Variants in DUOX2 observed in about 807,000 individuals in gnomAD.
DUOX2 encodes dual oxidase 2.
A neutral mutation model predicts 183.3 loss-of-function variants in DUOX2; 185 were observed. That is an observed-to-expected ratio of 1.01 (90% CI 0.90 to 1.14). The LOEUF (loss-of-function observed/expected upper bound fraction) is 1.14, where lower values mean the gene tolerates loss of function less well. Ranked by LOEUF, DUOX2 falls within the 50% of genes most tolerant of loss-of-function variation. The pLI, the probability that DUOX2 is intolerant of heterozygous loss-of-function variation, is 0.00. For synonymous variants in DUOX2, 788 were observed against 812.4 expected, an observed-to-expected ratio of 0.97 and a Z score of 0.51; for missense variants, 1,999 against 2,022.9, an observed-to-expected ratio of 0.99 and a Z score of 0.23.
intron 2 of DUOX2, 25 bp downstream of exon 2, chr15:45,113,317 G>C (rs1401853191): frequency 1.3e-6 from 2 of 1,553,586 alleles, no homozygotes; most frequent in Admixed American, 3.9e-5. Flanking sequence ...GGAACACCCC[G>C]CCGCTAGAGG....
intron 11 of DUOX2, 111 bp downstream of exon 11, chr15:45,109,413 T>C: frequency 1.1e-6 from 1 of 891,884 alleles, no homozygotes; most frequent in Non-Finnish European, 1.9e-6. Context: ...AGTCTGTGTT[T>C]GTATCTGTGT....
intron 18 of DUOX2, 71 bp downstream of exon 18, chr15:45,105,572 C>T (rs540863892): frequency 1.3e-5 from 21 of 1,581,168 alleles, no homozygotes; most frequent in Admixed American, 1.7e-5. Flanking sequence ...CCCACAGGGG[C>T]GTTCTATGCA....
intron 2 of DUOX2, 120 bp from the exon 3 acceptor site, chr15:45,113,196 G>A: frequency 1.4e-6 from 2 of 1,436,256 alleles, no homozygotes; most frequent in Non-Finnish European, 1.9e-6. Flanking sequence ...CCCAAGTGTC[G>A]GGCCGCACTG....
chr15:45,095,877 C>T lies in DUOX2; in HGVS notation c.4031G>A (p.Arg1344Lys), dbSNP rs1342825126. 6 of 1,612,332 alleles carry T rather than the reference C, an allele frequency of 3.7e-6. No homozygotes were observed. The highest frequency in any genetic ancestry group is 5.1e-6 in the Non-Finnish European group (6 of 1,179,356). ...GCCCTTTGGGGATGAGTAGATCTCC[C>T]TGAGGCGAGTGGTCCAGGGCCCCAC... is the stretch of plus-strand genomic sequence containing the variant. The part of the protein sequence containing the change: ...RAVGPWTTRL[R>K]EIYSSPKGNG... Residue 1344 changes from arginine to lysine, a missense_variant, in exon 30 of 34, where the codon AGG becomes AAG. By Grantham distance (26) the Arg-to-Lys change is conservative (BLOSUM62 2). Coordinates refer to ENST00000389039, the MANE Select transcript of DUOX2 (RefSeq NM_001363711.2).
At chr15:45,112,518 C>T (rs1200887935) in intron 4 of DUOX2, 36 bp downstream of exon 4, 9 of 1,606,078 alleles carry the variant, frequency 5.6e-6, no homozygotes, top group Non-Finnish European at 6.0e-6. Flanking sequence ...AGCAGAGCGC[C>T]AGATCAACCC....
intron 32 of DUOX2, 29 bp downstream of exon 32, chr15:45,094,907 G>T: frequency 2.5e-6 from 4 of 1,612,872 alleles, no homozygotes; most frequent in Non-Finnish European, 3.4e-6. Context: ...TGCCCGCCAA[G>T]TTGCCCTGCC....
chr15:45,108,760 C>G (rs779262960), intron 12 of DUOX2, 29 bp downstream of exon 12: 7 of 1,612,394 alleles, frequency 4.3e-6, no homozygotes, highest in Non-Finnish European at 5.9e-6. Flanking sequence ...AAAGCTTTAG[C>G]TGCCATTATT....
chr15:45,107,562 G>A, intron 13 of DUOX2, 99 bp from the exon 14 acceptor site: 1 of 1,301,806 alleles, frequency 7.7e-7, no homozygotes, highest in Non-Finnish European at 1.1e-6. Flanking sequence ...GACCCAGAGG[G>A]GCTGGGTGCA....
chr15:45,096,988 C>A (rs868800996), intron 29 of DUOX2, among the ~76,000 whole-genome samples: 2 of 152,188 alleles, frequency 1.3e-5, no homozygotes, highest in Non-Finnish European at 2.9e-5. Context: ...CCTCTGTATG[C>A]ACGTTCAGCC....
chr15:45,111,422 T>C lies in DUOX2; in HGVS notation c.677A>G (p.Asp226Gly). Residue 226 changes from aspartate to glycine, a missense_variant, in exon 6 of 34, where the codon GAC becomes GGC. Coordinates refer to ENST00000389039, the MANE Select transcript of DUOX2 (RefSeq NM_001363711.2). Reference protein sequence around the residue: ...QNPLLMWAAPDPATGQNGPRG... With the variant: ...QNPLLMWAAPGPATGQNGPRG... ...GGGCCCGTTCTGCCCGGTGGCGGGG[T>C]CGGGCGCCGCCCACATGAGCAGGGG... The C allele has an allele frequency of 1.3e-6, 2 of 1,501,574 alleles. No homozygotes were observed. Among genetic ancestry groups the C allele is most frequent in the Non-Finnish European group, 1.8e-6 (2 of 1,126,812 alleles). 93.0% of individuals were successfully genotyped at this position (1,501,574 alleles called of 1,614,324 possible). A position where few individuals can be genotyped will look rare whatever the true frequency, so the allele number is the denominator to read the frequency against.
At chr15:45,095,391 T>G (rs201835313) in intron 31 of DUOX2, 46 bp downstream of exon 31, 65 of 1,612,880 alleles carry the variant, frequency 4.0e-5, no homozygotes, top group Non-Finnish European at 5.5e-5. Flanking sequence ...CGGGTCACAA[T>G]TCGGCCACCT....
chr15:45,096,189 C>T (rs369132913), intron 29 of DUOX2, 129 bp from the exon 30 acceptor site: 37 of 774,112 alleles, frequency 4.8e-5, no homozygotes, highest in East Asian at 2.1e-4. Context: ...GCAAGCGGGG[C>T]TCCTGGGGCT....
intron 29 of DUOX2, 86 bp downstream of exon 29, chr15:45,097,152 G>A (rs1383022395): frequency 3.1e-6 from 5 of 1,589,490 alleles, no homozygotes; most frequent in Non-Finnish European, 3.4e-6. Context: ...GGCAGTGATG[G>A]GGTCAGGAGA....
intron 19 of DUOX2, 25 bp downstream of exon 19, chr15:45,104,115 A>G (rs1250575053): frequency 6.2e-7 from 1 of 1,613,980 alleles, no homozygotes; most frequent in African/African-American, 1.3e-5. Context: ...ATTCTTGGAT[A>G]GCCTGCCACC....
At chr15:45,113,176 C>G (rs571708165) in intron 2 of DUOX2, 100 bp from the exon 3 acceptor site, 71 of 1,467,146 alleles carry the variant, frequency 4.8e-5, no homozygotes, top group Non-Finnish European at 6.3e-5. Context: ...GCGGAGCGCC[C>G]CTAACCGGAC....
At chr15:45,110,337 T>C in intron 9 of DUOX2, 91 bp downstream of exon 9, 1 of 1,271,008 alleles carries the variant, frequency 7.9e-7, no homozygotes, top group Non-Finnish European at 1.1e-6. Context: ...CTAGTGAAAC[T>C]GCGAAGGAGT....
chr15:45,108,087 G>T lies in DUOX2; in HGVS notation c.1534C>A (p.Arg512=), dbSNP rs750288898. Residue 512 remains arginine (R), a synonymous_variant, in exon 13 of 34, where the codon CGG becomes AGG. Transcript: ENST00000389039. ...TCAAACCAGTAGCGGTCACCATCCCGCAGCCGTACAAACTGGTCGAGGACA... is the reference window on the plus strand; with the variant it reads ...TCAAACCAGTAGCGGTCACCATCCCTCAGCCGTACAAACTGGTCGAGGACA... ...AIVLDQFVRL[R]DGDRYWFENT... is the part of the protein sequence containing the mutation. 1 of 1,614,034 alleles carries T rather than the reference G, an allele frequency of 6.2e-7. No individual in the cohort carries two copies. Among genetic ancestry groups the T allele is most frequent in the Non-Finnish European group, 8.5e-7 (1 of 1,179,996 alleles).
chr15:45,096,115 G>A, intron 29 of DUOX2, 55 bp from the exon 30 acceptor site: 1 of 1,484,338 alleles, frequency 6.7e-7, no homozygotes, highest in Non-Finnish European at 9.4e-7. Context: ...CCTGGTACCT[G>A]AGGACTGATA....
rs756624208 is a variant in DUOX2, at chr15:45,105,639, G to C, written c.2334+4C>G. 1.2e-6 allele frequency: 2 copies of C among 1,614,010 alleles called. No individual in the cohort carries two copies. Among genetic ancestry groups the C allele is most frequent in the Non-Finnish European group, 1.7e-6 (2 of 1,180,020 alleles). ...CCATCTCCAAAAGGCACAGGTCATG[G>C]CACCTGAGCAAAAAGGTGTCTGAAG... is the stretch of plus-strand genomic sequence containing the variant. On this transcript the variant is annotated splice_donor_region_variant and intron_variant, in intron 18 of 33. Transcript: ENST00000389039.
Sources: allele counts gnomAD v4.1 joint callset (sites outside exome capture counted in the v4.1 genomes callset), GRCh38; gene constraint gnomAD v4.1.1; transcripts MANE v1.5; gene names NCBI Gene and HGNC (gene_info 2026-07-23, HGNC 2026-07-21).